The following PDE4D variants were observed in gnomAD, a reference collection of about 807,000 sequenced individuals.
The protein encoded by PDE4D is 3',5'-cyclic-AMP phosphodiesterase 4D.
PDE4D carries 24 observed loss-of-function variants against 87.4 expected under a neutral mutation model. That is an observed-to-expected ratio of 0.27 (90% CI 0.20 to 0.39). PDE4D has a LOEUF of 0.39. Ranked by LOEUF, PDE4D falls within the 10% of genes least tolerant of loss-of-function variation. PDE4D has a pLI of 1.00. For synonymous variants in PDE4D, 384 were observed against 383.2 expected (o/e 1.00, Z -0.02); for missense variants, 714 against 1,041.0 (o/e 0.69, Z 4.32).
intron 5 of PDE4D, among the ~76,000 whole-genome samples, chr5:59,155,619 G>GT (rs1399705609): frequency 1.3e-5 from 2 of 152,128 alleles, no homozygotes; most frequent in African/African-American, 4.8e-5. Flanking sequence ...GCTGTGTATT[G>GT]TTTTTAAGAT....
intron 6 of PDE4D, among the ~76,000 whole-genome samples, chr5:59,029,130 C>T (rs189287371): frequency 6.6e-6 from 1 of 151,932 alleles, no homozygotes; most frequent in Admixed American, 6.6e-5. Context: ...TACTTAGGAG[C>T]AGCCAGGCGT....
In PDE4D at chr5:60,063,102, GAAAGAAAGAAAGA is replaced by G. The variant is rs1562044308; in HGVS notation, c.43-74398_43-74386del. Among the ~76,000 whole-genome samples the G allele has an allele frequency of 4.1e-3, 255 of 62,096 alleles. 3 individuals carry two copies. The highest frequency in any genetic ancestry group is 0.02 in the Middle Eastern group (3 of 150). 40.7% of individuals were successfully genotyped at this position (62,096 alleles called of 152,430 possible). On this transcript the variant is annotated intron_variant, in intron 2 of 16. Transcript: ENST00000502484. ...AAGAAAGAAAGAAAGAAAGAAGAAA[GAAAGAAAGAAAGA>G]AAGAAAGAAAGAAAGAAAGAAAGAA...
At chr5:60,225,247 G>A (rs1744950183) in intron 1 of PDE4D, among the ~76,000 whole-genome samples, 1 of 151,968 alleles carries the variant, frequency 6.6e-6, no homozygotes, top group African/African-American at 2.4e-5. Flanking sequence ...TTAGTCAACA[G>A]GCAGAGCAAA....
intron 2 of PDE4D, among the ~76,000 whole-genome samples, chr5:60,175,314 T>C (rs1783815320): frequency 6.6e-6 from 1 of 152,170 alleles, no homozygotes; most frequent in Admixed American, 6.6e-5. Context: ...AAATTACCTA[T>C]CTGATCTCAC....
chr5:58,979,258 G>T (rs1256446281), intron 11 of PDE4D, among the ~76,000 whole-genome samples: 4 of 152,160 alleles, frequency 2.6e-5, no homozygotes, highest in Non-Finnish European at 4.4e-5. Flanking sequence ...GGCAAGGCCT[G>T]TCTTGGAGAG....
At chr5:60,260,596 G>A (rs1421013752) in intron 1 of PDE4D, among the ~76,000 whole-genome samples, 2 of 151,876 alleles carry the variant, frequency 1.3e-5, no homozygotes, top group Non-Finnish European at 2.9e-5. Context: ...CACAATTAAG[G>A]GACTGAACTA....
intron 1 of PDE4D, among the ~76,000 whole-genome samples, chr5:59,768,889 T>C (rs559434586): frequency 6.6e-6 from 1 of 152,278 alleles, no homozygotes; most frequent in African/African-American, 2.4e-5. Flanking sequence ...ACATAAAAAG[T>C]CCTGGGGGGA....
intron 1 of PDE4D, among the ~76,000 whole-genome samples, chr5:60,231,238 C>T (rs1417648622): frequency 6.6e-6 from 1 of 151,914 alleles, no homozygotes; most frequent in East Asian, 1.9e-4. Flanking sequence ...ACGACACTGT[C>T]CTAGCTATAG....
chr5:59,063,222 G>A (rs768343172), intron 5 of PDE4D: 1 of 152,182 alleles, frequency 6.6e-6, no homozygotes, highest in Non-Finnish European at 1.5e-5. Context: ...GACTTCAAAA[G>A]TGCTGATGAA....
chr5:59,720,814 C>G (rs1344199502), intron 1 of PDE4D, among the ~76,000 whole-genome samples: 3 of 152,012 alleles, frequency 2.0e-5, no homozygotes, highest in Non-Finnish European at 4.4e-5. Context: ...GGGGTCAAGG[C>G]CCAGAGTGGC....
chr5:59,181,885 C>A (rs989976000), intron 4 of PDE4D, among the ~76,000 whole-genome samples: 2 of 152,088 alleles, frequency 1.3e-5, no homozygotes, highest in African/African-American at 4.8e-5. Context: ...CACAGCCTCA[C>A]ATATGTGCCA....
rs1349490994 is a variant in PDE4D, at chr5:59,876,809, C to A, written c.455+16359G>T. On this transcript the variant is annotated intron_variant, in intron 1 of 14. Coordinates refer to ENST00000340635, the MANE Select transcript of PDE4D (RefSeq NM_001104631.2). ...TAAATGGCTATCTCAGTAATATTAT[C>A]TTAGGAAGATGTAGAAGTTTTTATC... is the stretch of plus-strand genomic sequence containing the variant. Among the ~76,000 whole-genome samples, 5 of 152,178 alleles carry A rather than the reference C, an allele frequency of 3.3e-5. No homozygotes were observed. The East Asian group carries it at 7.7e-4, about 24-fold the overall frequency.
chr5:59,438,157 G>C (rs1797058473), intron 1 of PDE4D, among the ~76,000 whole-genome samples: 1 of 152,126 alleles, frequency 6.6e-6, no homozygotes, highest in Non-Finnish European at 1.5e-5. Context: ...AGGAATTATA[G>C]AAATGAACTA....
chr5:59,537,912 AAAC>A (rs1034717082), intron 1 of PDE4D, among the ~76,000 whole-genome samples: 133 of 152,322 alleles, frequency 8.7e-4, no homozygotes, highest in African/African-American at 3.1e-3. Context: ...TGCTTTCACC[AAAC>A]AACATGTCTA....
intron 1 of PDE4D, among the ~76,000 whole-genome samples, chr5:60,268,869 G>T (rs997988987): frequency 5.3e-5 from 8 of 152,154 alleles, no homozygotes; most frequent in Non-Finnish European, 1.0e-4. Context: ...CTTTCTTACA[G>T]ATACCAATCA....
intron 1 of PDE4D, among the ~76,000 whole-genome samples, chr5:59,349,262 A>T (rs1262328464): frequency 1.3e-5 from 2 of 152,134 alleles, no homozygotes; most frequent in Non-Finnish European, 2.9e-5. Context: ...CTTGTCAATT[A>T]TAGTTTGAAA....
At chr5:59,934,544 A>C (rs932208107) in intron 3 of PDE4D, among the ~76,000 whole-genome samples, 1 of 152,176 alleles carries the variant, frequency 6.6e-6, no homozygotes. Context: ...TGTTTGGAGG[A>C]ATAATGGAGA....
intron 1 of PDE4D, among the ~76,000 whole-genome samples, chr5:60,419,040 C>T (rs1021971959): frequency 3.3e-5 from 5 of 152,126 alleles, no homozygotes; most frequent in South Asian, 2.1e-4. Context: ...ACATTTTTAA[C>T]GAGGCTACAG....
At chr5:60,425,772 G>T (rs1281312440) in intron 1 of PDE4D, among the ~76,000 whole-genome samples, 9 of 152,090 alleles carry the variant, frequency 5.9e-5, no homozygotes, top group Non-Finnish European at 1.0e-4. Flanking sequence ...GAAAATTTTT[G>T]CAATCTACCC....
Sources: allele counts gnomAD v4.1 joint callset (sites outside exome capture counted in the v4.1 genomes callset), GRCh38; gene constraint gnomAD v4.1.1; transcripts MANE v1.5; gene names NCBI Gene and HGNC (gene_info 2026-07-23, HGNC 2026-07-21).